Variants in P2RY6 observed in about 807,000 individuals in gnomAD.
P2RY6 encodes the protein P2Y purinoceptor 6.
A neutral mutation model predicts 16.3 loss-of-function variants in P2RY6; 19 were observed. The ratio of observed to expected loss-of-function variants is 1.16; its 90% CI spans 0.81 to 1.71. The LOEUF is 1.71. P2RY6 is among the 40% of genes most tolerant of loss of function. The probability of loss-of-function intolerance (pLI) is 0.00; values close to 1 mark genes in which losing one functional copy is unlikely to be tolerated. For missense variants in P2RY6, 389 were observed against 455.5 expected (o/e 0.85, Z 1.33); for synonymous variants, 184 against 201.5 (o/e 0.91, Z 0.74).
Position 73,296,597 on chromosome 11 carries a change from C to T in P2RY6, c.79C>T (p.Leu27=). 1 of 1,614,260 alleles carries T rather than the reference C, an allele frequency of 6.2e-7. No homozygotes were observed. Among genetic ancestry groups the T allele is most frequent in the Non-Finnish European group, 8.5e-7 (1 of 1,180,044 alleles). Residue 27 remains leucine (L), a synonymous_variant, in exon 3 of 3, where the codon CTG becomes TTG. Coordinates refer to ENST00000540124, the MANE Select transcript of P2RY6 (RefSeq NM_001277204.2). The part of the protein sequence containing the change: ...TCVYRENFKQ[L]LLPPVYSAVL... ...TGTCTACCGCGAGAACTTCAAGCAA[C>T]TGCTGCTGCCACCTGTGTATTCGGC... is the stretch of plus-strand genomic sequence containing the variant.
chr11:73,297,514 G>A lies in P2RY6; in HGVS notation c.*9G>A, dbSNP rs756297541. Reference sequence around the variant, plus strand: ...AGAGGCAGGGTCGCTGAGTCCTCCAGGTCCTGGGCAGCCTTCATATTTGCC... The same window carrying A: ...AGAGGCAGGGTCGCTGAGTCCTCCAAGTCCTGGGCAGCCTTCATATTTGCC... On this transcript the variant is annotated 3_prime_UTR_variant, in exon 3 of 3. Coordinates refer to ENST00000540124, the MANE Select transcript of P2RY6 (RefSeq NM_001277204.2). 1 of 1,595,870 alleles carries A rather than the reference G, an allele frequency of 6.3e-7. No homozygotes were observed.
chr11:73,278,146 T>TTTTA (rs59488451), intron 1 of P2RY6, among the ~76,000 whole-genome samples: 4,563 of 146,034 alleles, frequency 0.031, 217 homozygotes, highest in African/African-American at 0.11. Context: ...TCCAGGACTG[T>TTTTA]TTTATTTATT....
At position 73,298,465 on chromosome 11, in the gene P2RY6, T is replaced by A. The variant is rs1864598783; in HGVS notation, c.*960T>A. 6.0e-6 allele frequency: 1 copy of A among 167,158 alleles called. No homozygotes were observed. Among genetic ancestry groups the A allele is most frequent in the African/African-American group, 2.4e-5 (1 of 41,466 alleles). 10.4% of individuals were successfully genotyped at this position (167,158 alleles called of 1,614,324 possible). A position where few individuals can be genotyped will look rare whatever the true frequency, so the allele number is the denominator to read the frequency against. On this transcript the variant is annotated 3_prime_UTR_variant, in exon 3 of 3. Transcript: ENST00000540124. ...AATGGAGGGATTAAGCGGCGGAAGC[T>A]TCTTAGAAGAGGCAGGGGGCGAAGT...
chr11:73,269,523 G>C (rs944828061), upstream of P2RY6, among the ~76,000 whole-genome samples: 1 of 152,166 alleles, frequency 6.6e-6, no homozygotes, highest in African/African-American at 2.4e-5. Flanking sequence ...GGTTTGCGGG[G>C]CTCCCCAGGA....
At chr11:73,295,566 A>G (rs1364503621) in intron 1 of P2RY6, among the ~76,000 whole-genome samples, 164 bp from the exon 2 acceptor site, 2 of 152,098 alleles carry the variant, frequency 1.3e-5, no homozygotes, top group Admixed American at 1.3e-4. Context: ...CTGTAAACAA[A>G]CGGTTGACTC....
At chr11:73,293,791 G>C (rs967583110) in intron 1 of P2RY6, among the ~76,000 whole-genome samples, 1 of 152,180 alleles carries the variant, frequency 6.6e-6, no homozygotes, top group African/African-American at 2.4e-5. Flanking sequence ...AGTCTCACCA[G>C]GGTGTGGGAG....
upstream of P2RY6, among the ~76,000 whole-genome samples, chr11:73,269,315 C>G (rs1863209495): frequency 6.6e-6 from 1 of 152,154 alleles, no homozygotes; most frequent in Admixed American, 6.5e-5. Context: ...CGTGAGGAGC[C>G]TACACCCTGG....
intron 1 of P2RY6, among the ~76,000 whole-genome samples, chr11:73,277,915 T>G (rs1167126242): frequency 6.6e-6 from 1 of 152,222 alleles, no homozygotes; most frequent in African/African-American, 2.4e-5. Context: ...CTTGCAGAAA[T>G]CTGAGTGGCC....
At chr11:73,265,658 A>G (rs1863079075) in intron 1 of P2RY6, among the ~76,000 whole-genome samples, 1 of 152,040 alleles carries the variant, frequency 6.6e-6, no homozygotes, top group South Asian at 2.1e-4. Flanking sequence ...AGGAACCCTG[A>G]CCATCAGTGA....
At chr11:73,286,444 C>A (rs527730743) in intron 1 of P2RY6, among the ~76,000 whole-genome samples, 34 of 151,968 alleles carry the variant, frequency 2.2e-4, no homozygotes, top group Non-Finnish European at 4.6e-4. Flanking sequence ...AACCACTTGG[C>A]GGGGTTAGTG....
chr11:73,296,762 C>A lies in P2RY6; in HGVS notation c.244C>A (p.Leu82Ile). ...DLLYACSLPL[L>I]IYNYAQGDHW... ...GCTATATGCCTGCTCCCTGCCCCTGCTCATCTACAACTATGCCCAAGGTGA... is the reference window on the plus strand; with the variant it reads ...GCTATATGCCTGCTCCCTGCCCCTGATCATCTACAACTATGCCCAAGGTGA... The change falls in exon 3 of 3, where the codon CTC becomes ATC. Residue 82 changes from leucine (L) to isoleucine (I), a missense_variant. Transcript: ENST00000540124. 1 of 1,612,916 alleles carries A rather than the reference C, an allele frequency of 6.2e-7. No individual in the cohort carries two copies.
chr11:73,264,891 G>C (rs967332287), intron 1 of P2RY6, among the ~76,000 whole-genome samples: 1 of 152,228 alleles, frequency 6.6e-6, no homozygotes, highest in Non-Finnish European at 1.5e-5. Context: ...ATGGGTTAAT[G>C]GGTTGTATGC....
intron 1 of P2RY6, among the ~76,000 whole-genome samples, chr11:73,279,229 CT>C (rs1489591355): frequency 6.6e-6 from 1 of 151,944 alleles, no homozygotes; most frequent in Non-Finnish European, 1.5e-5. Context: ...GTTTCTTTTG[CT>C]GTTTAGTTTG....
intron 1 of P2RY6, among the ~76,000 whole-genome samples, chr11:73,278,023 A>C (rs1333273969): frequency 6.6e-6 from 1 of 152,156 alleles, no homozygotes; most frequent in African/African-American, 2.4e-5. Flanking sequence ...GTCTTTTATT[A>C]TGATAAAATA....
At chr11:73,287,865 T>G (rs1864029591) in intron 1 of P2RY6, among the ~76,000 whole-genome samples, 1 of 152,156 alleles carries the variant, frequency 6.6e-6, no homozygotes, top group African/African-American at 2.4e-5. Context: ...AGTGGCCCTA[T>G]AGGCGTGGAC....
At chr11:73,270,844 C>A (rs1443527661), upstream of P2RY6, among the ~76,000 whole-genome samples, 1 of 152,076 alleles carries the variant, frequency 6.6e-6, no homozygotes, top group Non-Finnish European at 1.5e-5. Flanking sequence ...GGCTAGGTGG[C>A]TGGGAGAGGG....
chr11:73,272,477 T>C lies in P2RY6; in HGVS notation c.-121+11T>C. 2.0e-6 allele frequency: 2 copies of C among 985,546 alleles called. No individual in the cohort carries two copies. The highest frequency in any genetic ancestry group is 2.4e-6 in the Non-Finnish European group (2 of 829,972). 61.1% of individuals were successfully genotyped at this position (985,546 alleles called of 1,614,324 possible). A position where few individuals can be genotyped will look rare whatever the true frequency, so the allele number is the denominator to read the frequency against. On this transcript the variant is annotated intron_variant, in intron 1 of 2. Transcript: ENST00000540124. ...CTTGCTAACTCTTGGGTGAGTTTTC[T>C]GGGTCCATGCCTGGAAGGGCTTGCG...
chr11:73,272,557 G>A lies in P2RY6; in HGVS notation c.-121+91G>A, dbSNP rs887949635. On this transcript the variant is annotated intron_variant, in intron 1 of 2. Coordinates refer to ENST00000540124, the MANE Select transcript of P2RY6 (RefSeq NM_001277204.2). ...TAACTGCAGTCCACTTGCAGCCACC[G>A]AGGCTCATCACAGGCAAGAGTGGCA... The A allele has an allele frequency of 1.3e-5, 13 of 967,584 alleles. 1 individual carries two copies. The highest frequency in any genetic ancestry group is 2.3e-4 in the East Asian group (2 of 8,722). The allele number at this position is 967,584 out of a possible 1,614,324, so 59.9% of individuals were successfully genotyped here. A position where few individuals can be genotyped will look rare whatever the true frequency, so the allele number is the denominator to read the frequency against.
intron 1 of P2RY6, among the ~76,000 whole-genome samples, chr11:73,264,971 A>T (rs143477642): frequency 2.0e-4 from 30 of 152,350 alleles, no homozygotes; most frequent in African/African-American, 6.7e-4. Context: ...AGAAGTGTGC[A>T]TTGCAACTCT....
Sources: gnomAD v4.1 joint callset for allele counts (sites outside exome capture counted in the v4.1 genomes callset) on GRCh38, gnomAD v4.1.1 for gene constraint, MANE v1.5 for transcripts, NCBI Gene and HGNC (gene_info 2026-07-23, HGNC 2026-07-21) for gene names.